The following TMEM143 variants were observed in gnomAD, a reference collection of about 807,000 sequenced individuals.
The protein encoded by TMEM143 is transmembrane protein 143.
TMEM143 carries 45 observed loss-of-function variants against 40.3 expected under a neutral mutation model. The observed-to-expected ratio is 1.12, with a 90% CI of 0.88 to 1.43. The LOEUF (loss-of-function observed/expected upper bound fraction) is 1.43, where lower values mean the gene tolerates loss of function less well. Ranked by LOEUF, TMEM143 falls within the 40% of genes most tolerant of loss-of-function variation. The pLI, the probability that TMEM143 is intolerant of heterozygous loss-of-function variation, is 0.00. For missense variants in TMEM143, 620 were observed against 613.4 expected (o/e 1.01, Z -0.11); for synonymous variants, 299 against 282.7 (o/e 1.06, Z -0.58).
At chr19:48,336,004 G>A (rs573304312) in intron 6 of TMEM143, among the ~76,000 whole-genome samples, 41 of 152,284 alleles carry the variant, frequency 2.7e-4, no homozygotes, top group Admixed American at 7.9e-4. Context: ...CCCACCGTTA[G>A]TCTCTTTGCT....
At chr19:48,360,988 T>C (rs901120278) in intron 2 of TMEM143, among the ~76,000 whole-genome samples, 1 of 151,702 alleles carries the variant, frequency 6.6e-6, no homozygotes, top group Admixed American at 6.6e-5. Context: ...GGAGTCTCAC[T>C]ATATTGCCCA....
rs554009921 is a variant in TMEM143 at position 48,332,884 on chromosome 19, A to C, written c.*335T>G. The C allele has an allele frequency of 5.0e-6, 1 of 200,184 alleles. No individual in the cohort carries two copies. The highest frequency in any genetic ancestry group is 2.3e-5 in the African/African-American group (1 of 43,192). The allele number at this position is 200,184 out of a possible 1,614,324, so 12.4% of individuals were successfully genotyped here. A position where few individuals can be genotyped will look rare whatever the true frequency, so the allele number is the denominator to read the frequency against. ...TTAACTCTTCTACCTGGCGGTTTAC[A>C]GAAGCCAGAGCTGAGCAGCTGTGAT... is the stretch of plus-strand genomic sequence containing the variant. On this transcript the variant is annotated 3_prime_UTR_variant, in exon 8 of 8. Coordinates refer to ENST00000293261, the MANE Select transcript of TMEM143 (RefSeq NM_018273.4).
At chr19:48,353,757 A>G (rs1396132182) in intron 3 of TMEM143, among the ~76,000 whole-genome samples, 1 of 151,522 alleles carries the variant, frequency 6.6e-6, no homozygotes, top group African/African-American at 2.4e-5. Flanking sequence ...CCTAAATCCA[A>G]TGAGAGTGTC....
chr19:48,355,503 T>C (rs1347428153), intron 3 of TMEM143, among the ~76,000 whole-genome samples: 5 of 152,066 alleles, frequency 3.3e-5, no homozygotes, highest in Non-Finnish European at 7.4e-5. Context: ...AGTTTCTCCA[T>C]GTATGAATGG....
intron 3 of TMEM143, among the ~76,000 whole-genome samples, chr19:48,357,346 T>A (rs1969927570): frequency 7.9e-6 from 1 of 126,502 alleles, no homozygotes; most frequent in Non-Finnish European, 1.7e-5. Context: ...CAAGTCTATC[T>A]TTCTTTTTTT....
At chr19:48,338,478 C>G (rs1969420348) in intron 6 of TMEM143, among the ~76,000 whole-genome samples, 1 of 152,222 alleles carries the variant, frequency 6.6e-6, no homozygotes, top group Admixed American at 6.5e-5. Flanking sequence ...GCCGGTTTAC[C>G]CTGAACAGGT....
intron 6 of TMEM143, among the ~76,000 whole-genome samples, chr19:48,336,760 C>T (rs1969378643): frequency 6.6e-6 from 1 of 151,792 alleles, no homozygotes; most frequent in African/African-American, 2.4e-5. Flanking sequence ...CTTTGGGAGG[C>T]CGAGGCGGGT....
At chr19:48,359,596 T>C (rs549108554) in intron 3 of TMEM143, among the ~76,000 whole-genome samples, 12 of 143,838 alleles carry the variant, frequency 8.3e-5, no homozygotes, top group African/African-American at 3.1e-4. Flanking sequence ...AAGCTCCGCC[T>C]CCCGGGTTCA....
rs1969566640 is a variant in TMEM143 at position 48,343,922 on chromosome 19, T to C, written c.565-471A>G. On this transcript the variant is annotated intron_variant, in intron 4 of 7. Transcript: ENST00000293261. ...TCTATTTTGAGATATTGTCTCACTC[T>C]GTCACCCAGGCGGGAGTGCAGTGGC... Among the ~76,000 whole-genome samples, 3 of 152,268 alleles carry C rather than the reference T, an allele frequency of 2.0e-5. No individual in the cohort carries two copies. In the South Asian group the frequency reaches 6.2e-4, roughly 31 times the overall value.
rs28837726 is a variant in TMEM143 at position 48,352,900 on chromosome 19, A to C, written c.369+7172T>G. Among the ~76,000 whole-genome samples, 146 of 152,198 alleles carry C rather than the reference A, an allele frequency of 9.6e-4. 1 individual carries two copies. Among genetic ancestry groups the C allele is most frequent in the African/African-American group, 3.3e-3 (137 of 41,524 alleles). On this transcript the variant is annotated intron_variant, in intron 3 of 7. Coordinates refer to ENST00000293261, the MANE Select transcript of TMEM143 (RefSeq NM_018273.4). ...CCAAAGTGTTAGAGTTACAGGCATA[A>C]GCCACTGTGCCTGGCCACGTATACT... is the stretch of plus-strand genomic sequence containing the variant.
chr19:48,343,261 C>A, intron 5 of TMEM143, 60 bp downstream of exon 5: 2 of 1,558,870 alleles, frequency 1.3e-6, no homozygotes, highest in Non-Finnish European at 8.7e-7. Flanking sequence ...ACCTGTCAGT[C>A]CCCTCTTGAC....
At chr19:48,343,223 G>A (rs1461584959) in intron 5 of TMEM143, 98 bp downstream of exon 5, 1 of 1,447,972 alleles carries the variant, frequency 6.9e-7, no homozygotes, top group East Asian at 2.4e-5. Context: ...CTTCCCGCCT[G>A]GGGCCCAGAC....
At position 48,332,998 on chromosome 19, in the gene TMEM143, A is replaced by G. The variant is rs990016523; in HGVS notation, c.*221T>C. On this transcript the variant is annotated 3_prime_UTR_variant, in exon 8 of 8. Coordinates refer to ENST00000293261, the MANE Select transcript of TMEM143 (RefSeq NM_018273.4). Reference sequence around the variant, plus strand: ...AGAAATGGAACAGAAGCAGAGCTAAATCGCTTTGATTGGCTGTTCATCGAA... The same window carrying G: ...AGAAATGGAACAGAAGCAGAGCTAAGTCGCTTTGATTGGCTGTTCATCGAA... The G allele has an allele frequency of 3.8e-5, 15 of 392,270 alleles. No individual in the cohort carries two copies. The highest frequency in any genetic ancestry group is 6.4e-4 in the Middle Eastern group (1 of 1,556). The allele number at this position is 392,270 out of a possible 1,614,324, so 24.3% of individuals were successfully genotyped here. A position where few individuals can be genotyped will look rare whatever the true frequency, so the allele number is the denominator to read the frequency against.
chr19:48,360,606 G>T (rs1285680623), intron 2 of TMEM143: 1 of 171,698 alleles, frequency 5.8e-6, no homozygotes, highest in Non-Finnish European at 1.2e-5. Flanking sequence ...TTTTGTTTTG[G>T]TTGGGTGGGG....
rs376598294 is a variant in TMEM143, at chr19:48,342,765, C to G, written c.740G>C (p.Gly247Ala). ...RVVLAARTKRGHLVLKSFKDT... is the reference protein window; with the variant it reads ...RVVLAARTKRAHLVLKSFKDT... ...CTTGAAACTCTTCAGTACCAGGTGTCCCCGTTTGGTCCGGGCTGCCAGGAC... is the reference window on the plus strand; with the variant it reads ...CTTGAAACTCTTCAGTACCAGGTGTGCCCGTTTGGTCCGGGCTGCCAGGAC... The change falls in exon 6 of 8, where the codon GGA becomes GCA. Residue 247 changes from glycine (G) to alanine (A), a missense_variant. Transcript: ENST00000293261. The G allele has an allele frequency of 1.7e-4, 272 of 1,611,962 alleles. No individual in the cohort carries two copies. Among genetic ancestry groups the G allele is most frequent in the Non-Finnish European group, 2.2e-4 (257 of 1,178,270 alleles).
chr19:48,354,626 C>T (rs1969846619), intron 3 of TMEM143, among the ~76,000 whole-genome samples: 1 of 152,138 alleles, frequency 6.6e-6, no homozygotes, highest in Admixed American at 6.6e-5. Flanking sequence ...CTGTGAGGTA[C>T]ATCTCTCATG....
rs566888668 is a variant in TMEM143, at chr19:48,342,734, C to T, written c.771G>A (p.Thr257=). ...GCAGCTGCTCCAGGCCTTCCAGCGG[C>T]GTGTCCTTGAAACTCTTCAGTACCA... ...GHLVLKSFKD[T]PLEGLEQLLP... The change falls in exon 6 of 8, where the codon ACG becomes ACA. Residue 257 remains threonine, a synonymous_variant. Coordinates refer to ENST00000293261, the MANE Select transcript of TMEM143 (RefSeq NM_018273.4). 27 of 1,614,118 alleles carry T rather than the reference C, an allele frequency of 1.7e-5. No homozygotes were observed. In the East Asian group the frequency reaches 4.0e-4, roughly 24 times the overall value.
intron 3 of TMEM143, among the ~76,000 whole-genome samples, chr19:48,359,253 C>T (rs116258405): frequency 0.024 from 3,687 of 152,192 alleles, 157 homozygotes; most frequent in African/African-American, 0.082. Context: ...TCCCCATCCC[C>T]TCTGCCCTCA....
Position 48,362,516 on chromosome 19 carries a change from C to T in TMEM143, c.264+775G>A, listed in dbSNP as rs111763276. Among the ~76,000 whole-genome samples, 156 of 151,922 alleles carry T rather than the reference C, an allele frequency of 1.0e-3. 2 individuals are homozygous for T. Among genetic ancestry groups the T allele is most frequent in the African/African-American group, 3.5e-3 (145 of 41,442 alleles). Reference sequence around the variant, plus strand: ...TCCAGTCTGGGCAACAGAGTGAGACCCTGTCTCACAAAAATAAATAAAGAA... The same window carrying T: ...TCCAGTCTGGGCAACAGAGTGAGACTCTGTCTCACAAAAATAAATAAAGAA... On this transcript the variant is annotated intron_variant, in intron 2 of 7. Coordinates refer to ENST00000293261, the MANE Select transcript of TMEM143 (RefSeq NM_018273.4).
Sources: allele counts gnomAD v4.1 joint callset (sites outside exome capture counted in the v4.1 genomes callset), GRCh38; gene constraint gnomAD v4.1.1; transcripts MANE v1.5; gene names NCBI Gene and HGNC (gene_info 2026-07-23, HGNC 2026-07-21).